CSMD1: variants seen among roughly 807,000 people sequenced by gnomAD.
CSMD1 encodes the protein CUB and sushi domain-containing protein 1.
In CSMD1, 213 loss-of-function variants were observed where a neutral mutation model predicts 417.5. The observed-to-expected ratio is 0.51, with a 90% CI of 0.46 to 0.57. CSMD1 has a LOEUF of 0.57. Ranked by LOEUF, CSMD1 falls within the 20% of genes least tolerant of loss-of-function variation. CSMD1 has a pLI of 0.00. For synonymous variants in CSMD1, 2,862 were observed against 1,736.8 expected (o/e 1.65, Z -16.11); for missense variants, 6,923 against 4,529.7 (o/e 1.53, Z -15.17).
At chr8:3,943,178 T>A (rs904075812) in intron 5 of CSMD1, among the ~76,000 whole-genome samples, 1 of 152,106 alleles carries the variant, frequency 6.6e-6, no homozygotes, top group African/African-American at 2.4e-5. Flanking sequence ...AATGACTCAA[T>A]TGAGGATGTT....
At chr8:3,792,844 C>T (rs1585006202) in intron 5 of CSMD1, among the ~76,000 whole-genome samples, 2 of 152,290 alleles carry the variant, frequency 1.3e-5, no homozygotes, top group East Asian at 1.9e-4. Flanking sequence ...TGACTTGAAG[C>T]ACAGGATGAA....
chr8:3,975,186 T>A (rs1178329926), intron 5 of CSMD1, among the ~76,000 whole-genome samples: 2 of 152,228 alleles, frequency 1.3e-5, no homozygotes, highest in Non-Finnish European at 1.5e-5. Flanking sequence ...TCATTCAGCA[T>A]CCTGTTACGA....
rs536823505 is a variant in CSMD1 at position 3,791,477 on chromosome 8, A to G, written c.819-37435T>C. Among the ~76,000 whole-genome samples the G allele has an allele frequency of 9.8e-5, 15 of 152,326 alleles. No individual in the cohort carries two copies. In the South Asian group the frequency reaches 2.9e-3, roughly 29 times the overall value. On this transcript the variant is annotated intron_variant, in intron 5 of 69. Coordinates refer to ENST00000635120, the MANE Select transcript of CSMD1 (RefSeq NM_033225.6). ...ATACGTAGCTTGTAATACGTTCTTT[A>G]GTTGAATAATTTGAAAAGTCATCTC...
At chr8:4,559,609 T>C (rs1030132496) in intron 2 of CSMD1, among the ~76,000 whole-genome samples, 2 of 152,236 alleles carry the variant, frequency 1.3e-5, no homozygotes, top group African/African-American at 4.8e-5. Flanking sequence ...TTGTATAAAA[T>C]TATAACCTCT....
chr8:4,828,489 T>A (rs567603721), intron 1 of CSMD1, among the ~76,000 whole-genome samples: 73 of 152,212 alleles, frequency 4.8e-4, no homozygotes, highest in African/African-American at 1.7e-3. Flanking sequence ...TCTGAGTGTC[T>A]TGGGGTAAGA....
intron 32 of CSMD1, among the ~76,000 whole-genome samples, 176 bp downstream of exon 32, chr8:3,201,436 G>C (rs894015167): frequency 6.6e-6 from 1 of 152,086 alleles, no homozygotes; most frequent in African/African-American, 2.4e-5. Context: ...TTATGTGTGA[G>C]ATAAAAACAC....
At chr8:3,402,769 C>G (rs1303762305) in intron 15 of CSMD1, among the ~76,000 whole-genome samples, 1 of 152,086 alleles carries the variant, frequency 6.6e-6, no homozygotes, top group Admixed American at 6.6e-5. Context: ...ATTAACAACT[C>G]ACTCTTGCTT....
intron 1 of CSMD1, among the ~76,000 whole-genome samples, chr8:4,665,204 T>G (rs1299490335): frequency 6.6e-6 from 1 of 152,194 alleles, no homozygotes; most frequent in Non-Finnish European, 1.5e-5. Context: ...TGGCGGCTTC[T>G]TTCAGAGCTC....
chr8:3,792,131 G>A (rs1331856246), intron 5 of CSMD1, among the ~76,000 whole-genome samples: 1 of 152,032 alleles, frequency 6.6e-6, no homozygotes, highest in Non-Finnish European at 1.5e-5. Flanking sequence ...CTGTCTCTAC[G>A]AAAAGTTGAA....
intron 5 of CSMD1, among the ~76,000 whole-genome samples, chr8:3,806,283 T>A (rs1351624474): frequency 6.6e-6 from 1 of 152,208 alleles, no homozygotes; most frequent in Non-Finnish European, 1.5e-5. Flanking sequence ...GTTTTCATTC[T>A]GTCTATCGTA....
chr8:4,698,372 A>G (rs1049192363), intron 1 of CSMD1, among the ~76,000 whole-genome samples: 16 of 152,180 alleles, frequency 1.1e-4, no homozygotes, highest in Non-Finnish European at 2.2e-4. Flanking sequence ...TGAATGCATC[A>G]GAGAAAGAAG....
intron 2 of CSMD1, among the ~76,000 whole-genome samples, chr8:4,497,378 T>C (rs1444290283): frequency 6.6e-6 from 1 of 152,182 alleles, no homozygotes; most frequent in African/African-American, 2.4e-5. Context: ...AAAAATCAAG[T>C]TCTTAATAAA....
chr8:3,333,646 T>G (rs1486424578), intron 23 of CSMD1, among the ~76,000 whole-genome samples: 4 of 152,226 alleles, frequency 2.6e-5, no homozygotes, highest in African/African-American at 9.6e-5. Context: ...TCTGTGAGTG[T>G]GGATTTACGT....
At chr8:4,392,617 G>C (rs745822726) in intron 3 of CSMD1, among the ~76,000 whole-genome samples, 13 of 151,424 alleles carry the variant, frequency 8.6e-5, no homozygotes, top group Non-Finnish European at 1.6e-4. Context: ...TAGGATATGA[G>C]AAAAGAGCAG....
intron 4 of CSMD1, among the ~76,000 whole-genome samples, chr8:4,008,827 G>C (rs1004104344): frequency 2.0e-5 from 3 of 151,732 alleles, no homozygotes; most frequent in Non-Finnish European, 2.9e-5. Context: ...AGCCAGGATG[G>C]TCTCGATCTC....
intron 5 of CSMD1, among the ~76,000 whole-genome samples, chr8:3,900,040 C>T (rs1340005922): frequency 6.6e-6 from 1 of 151,744 alleles, no homozygotes; most frequent in African/African-American, 2.4e-5. Context: ...GACACTGCAG[C>T]TGGCCGATGC....
chr8:4,357,653 A>G (rs1367946544), intron 3 of CSMD1, among the ~76,000 whole-genome samples: 1 of 152,102 alleles, frequency 6.6e-6, no homozygotes, highest in African/African-American at 2.4e-5. Flanking sequence ...GGTTTCCTAT[A>G]ACTTTAAAGT....
intron 3 of CSMD1, among the ~76,000 whole-genome samples, chr8:4,261,783 G>A (rs142510451): frequency 5.9e-4 from 90 of 152,126 alleles, no homozygotes; most frequent in African/African-American, 1.9e-3. Context: ...ATGTTAATTA[G>A]TTTGATAATG....
At chr8:4,475,940 G>A (rs1302112327) in intron 2 of CSMD1, among the ~76,000 whole-genome samples, 2 of 152,012 alleles carry the variant, frequency 1.3e-5, no homozygotes, top group African/African-American at 4.8e-5. Flanking sequence ...TGGTGTTATT[G>A]CTGTTGGTTT....
Sources: allele counts gnomAD v4.1 joint callset (sites outside exome capture counted in the v4.1 genomes callset), GRCh38; gene constraint gnomAD v4.1.1; transcripts MANE v1.5; gene names NCBI Gene and HGNC (gene_info 2026-07-23, HGNC 2026-07-21).